Variants in PIK3R6 observed in about 807,000 individuals in gnomAD.
PIK3R6 encodes the protein phosphoinositide 3-kinase regulatory subunit 6.
PIK3R6 carries 91 observed loss-of-function variants against 84.9 expected under a neutral mutation model. That is an observed-to-expected ratio of 1.07 (90% CI 0.90 to 1.28). PIK3R6 has a LOEUF of 1.28. PIK3R6 is among the 50% of genes most tolerant of loss of function. The probability of loss-of-function intolerance (pLI) is 0.00; values close to 1 mark genes in which losing one functional copy is unlikely to be tolerated. For synonymous variants in PIK3R6, 416 were observed against 411.4 expected (o/e 1.01, Z -0.13); for missense variants, 996 against 985.1 (o/e 1.01, Z -0.15).
rs1567583525 is a variant in PIK3R6 at position 8,827,745 on chromosome 17, GAGAGAGAGAGAGAGAGAGGAGAGA to G, written c.1392+343_1392+366del. On this transcript the variant is annotated intron_variant, in intron 12 of 19. Coordinates refer to ENST00000619866, the MANE Select transcript of PIK3R6 (RefSeq NM_001010855.4). Reference sequence around the variant, plus strand: ...GTATGAGAGAGGGGAGGGAAGGGGAGAGAGAGAGAGAGAGAGAGGAGAGAGAGAGAGAGAGAGAGAGAGAGAGAG... The same window carrying G: ...GTATGAGAGAGGGGAGGGAAGGGGAGGAGAGAGAGAGAGAGAGAGAGAGAG... Among the ~76,000 whole-genome samples, 574 of 89,554 alleles carry G rather than the reference GAGAGAGAGAGAGAGAGAGGAGAGA, an allele frequency of 6.4e-3. 25 individuals are homozygous for G. The highest frequency in any genetic ancestry group is 0.023 in the African/African-American group (499 of 21,882). 58.8% of individuals were successfully genotyped at this position (89,554 alleles called of 152,430 possible).
In PIK3R6 at chr17:8,828,201, G is replaced by A; in HGVS notation, c.1314-11C>T. 6.2e-7 allele frequency: 1 copy of A among 1,613,394 alleles called. No individual in the cohort carries two copies. Among genetic ancestry groups the A allele is most frequent in the South Asian group, 1.1e-5 (1 of 91,082 alleles). Reference sequence around the variant, plus strand: ...TGGGTCTCCCGTTTCCTAGCAATGGGCAGCAAAGCAGAGGAGGTTAGGGGC... The same window carrying A: ...TGGGTCTCCCGTTTCCTAGCAATGGACAGCAAAGCAGAGGAGGTTAGGGGC... On this transcript the variant is annotated splice_polypyrimidine_tract_variant and intron_variant, in intron 11 of 19. Coordinates refer to ENST00000619866, the MANE Select transcript of PIK3R6 (RefSeq NM_001010855.4).
At chr17:8,833,832 G>A (rs915236304) in intron 8 of PIK3R6, among the ~76,000 whole-genome samples, 2 of 151,826 alleles carry the variant, frequency 1.3e-5, no homozygotes, top group African/African-American at 4.8e-5. Context: ...GAACCACCGC[G>A]CTTGGCCGAA....
chr17:8,830,778 C>CTTA (rs1180156743), intron 9 of PIK3R6, among the ~76,000 whole-genome samples: 3 of 152,192 alleles, frequency 2.0e-5, no homozygotes, highest in Non-Finnish European at 4.4e-5. Context: ...CAACACTGTG[C>CTTA]TTATAATCAC....
Position 8,835,386 on chromosome 17 carries a change from CCT to C in PIK3R6, c.530_531del (p.Glu177GlyfsTer92). On this transcript the variant is annotated frameshift_variant, in exon 8 of 20. Transcript: ENST00000619866. LOFTEE classifies it high-confidence loss of function. ...TCTGGTGTCTGCTGCGCCTGGGCCG[CCT>C]CGATCTCCAGTAGCAGAGCACTGCA... ...SVCSALLLEI[E>X]AAQAQQTPET... is the part of the protein sequence containing the mutation. 1 of 1,612,250 alleles carries C rather than the reference CCT, an allele frequency of 6.2e-7. No homozygotes were observed. Among genetic ancestry groups the C allele is most frequent in the Non-Finnish European group, 8.5e-7 (1 of 1,178,580 alleles).
At chr17:8,810,251 C>T (rs980696841) in intron 18 of PIK3R6, among the ~76,000 whole-genome samples, 2 of 147,680 alleles carry the variant, frequency 1.4e-5, no homozygotes, top group African/African-American at 2.5e-5. Context: ...CATCAGATGT[C>T]ATGAGACTTA....
chr17:8,805,896 C>A (rs2087191074), intron 18 of PIK3R6, among the ~76,000 whole-genome samples: 2 of 149,662 alleles, frequency 1.3e-5, no homozygotes, highest in South Asian at 2.1e-4. Context: ...CCAGCCCGGG[C>A]AACAGAATGA....
chr17:8,865,532 C>T (rs1035629283), intron 1 of PIK3R6, among the ~76,000 whole-genome samples: 6 of 152,146 alleles, frequency 3.9e-5, no homozygotes, highest in African/African-American at 1.4e-4. Flanking sequence ...TGTTGCCTCC[C>T]CTCTTCTCCC....
chr17:8,835,390 G>T lies in PIK3R6; in HGVS notation c.528C>A (p.Ile176=), dbSNP rs372846614. 6.2e-7 allele frequency: 1 copy of T among 1,612,160 alleles called. No individual in the cohort carries two copies. Among genetic ancestry groups the T allele is most frequent in the Non-Finnish European group, 8.5e-7 (1 of 1,178,560 alleles). ...ASVCSALLLE[I]EAAQAQQTPE... is the part of the protein sequence containing the mutation. ...GTGTCTGCTGCGCCTGGGCCGCCTC[G>T]ATCTCCAGTAGCAGAGCACTGCACA... The change falls in exon 8 of 20, where the codon ATC becomes ATA. Residue 176 remains isoleucine, a synonymous_variant. Transcript: ENST00000619866.
In PIK3R6 at chr17:8,838,594, C is replaced by T. The variant is rs1386966731; in HGVS notation, c.159G>A (p.Leu53=). 1.2e-6 allele frequency: 2 copies of T among 1,606,334 alleles called. No homozygotes were observed. The highest frequency in any genetic ancestry group is 1.1e-5 in the South Asian group (1 of 89,202). ...CCAGTTCTCTGAGAAGAATGCGGACCAGCACTGGGCTCTTACCGGGATCTC... is the reference window on the plus strand; with the variant it reads ...CCAGTTCTCTGAGAAGAATGCGGACTAGCACTGGGCTCTTACCGGGATCTC... The part of the protein sequence containing the change: ...VERDPGKSPV[L]VRILLRELEK... Residue 53 remains leucine (L), a synonymous_variant, in exon 4 of 20, where the codon CTG becomes CTA. Coordinates refer to ENST00000619866, the MANE Select transcript of PIK3R6 (RefSeq NM_001010855.4).
intron 1 of PIK3R6, among the ~76,000 whole-genome samples, chr17:8,859,083 G>T (rs2089210993): frequency 6.6e-6 from 1 of 152,224 alleles, no homozygotes; most frequent in Non-Finnish European, 1.5e-5. Context: ...CAAAGCCTGA[G>T]AACTGATCAA....
At position 8,857,091 on chromosome 17, in the gene PIK3R6, C is replaced by G. The variant is rs2151310494; in HGVS notation, c.-91-7206G>C. 1.3e-5 allele frequency among the ~76,000 whole-genome samples: 2 copies of G among 151,592 alleles called. 1 individual carries two copies. Among genetic ancestry groups the G allele is most frequent in the Admixed American group, 1.3e-4 (2 of 15,204 alleles). On this transcript the variant is annotated intron_variant, in intron 1 of 19. Transcript: ENST00000619866. ...TCCTGAACATCCTGTCCAAAATAGC[C>G]CTCCCTGTCACACTCTAGCACACTC...
At chr17:8,861,425 T>G (rs1228993978) in intron 1 of PIK3R6, among the ~76,000 whole-genome samples, 1 of 152,190 alleles carries the variant, frequency 6.6e-6, no homozygotes, top group African/African-American at 2.4e-5. Context: ...TTTCACTTTC[T>G]GCAATTTCAG....
chr17:8,827,989 A>C, intron 12 of PIK3R6, 123 bp downstream of exon 12: 1 of 1,023,248 alleles, frequency 9.8e-7, no homozygotes, highest in Non-Finnish European at 1.4e-6. Flanking sequence ...TCCCGCCTCC[A>C]CATTCTAAGG....
At chr17:8,841,689 A>T (rs956486990) in intron 2 of PIK3R6, among the ~76,000 whole-genome samples, 2 of 151,278 alleles carry the variant, frequency 1.3e-5, no homozygotes, top group African/African-American at 4.9e-5. Context: ...TAACAGTGGT[A>T]CGTTGACATG....
chr17:8,852,145 C>T (rs2088985680), intron 1 of PIK3R6, among the ~76,000 whole-genome samples: 1 of 152,210 alleles, frequency 6.6e-6, no homozygotes, highest in South Asian at 2.1e-4. Context: ...AGGGAAGTTA[C>T]TGTTTAATGG....
intron 18 of PIK3R6, among the ~76,000 whole-genome samples, chr17:8,806,451 G>A (rs2087210402): frequency 6.6e-6 from 1 of 152,194 alleles, no homozygotes; most frequent in African/African-American, 2.4e-5. Context: ...CCTGCCTGCG[G>A]TGTGGGCAGA....
At chr17:8,819,813 TATAC>T (rs1307270272) in intron 17 of PIK3R6, among the ~76,000 whole-genome samples, 4 of 146,714 alleles carry the variant, frequency 2.7e-5, no homozygotes, top group African/African-American at 1.0e-4. Flanking sequence ...CACACACGTA[TATAC>T]ATATATACGT....
chr17:8,840,897 C>A (rs1186554285), intron 2 of PIK3R6, among the ~76,000 whole-genome samples: 11 of 151,340 alleles, frequency 7.3e-5, no homozygotes, highest in Non-Finnish European at 1.5e-4. Context: ...GGACTACAGG[C>A]GCCTGCCACC....
chr17:8,838,765 C>A, intron 3 of PIK3R6, 110 bp from the exon 4 acceptor site: 1 of 1,054,840 alleles, frequency 9.5e-7, no homozygotes, highest in East Asian at 2.7e-5. Context: ...TCTGACCAGC[C>A]ACGGGTGTGA....
Sources: allele counts gnomAD v4.1 joint callset (sites outside exome capture counted in the v4.1 genomes callset), GRCh38; gene constraint gnomAD v4.1.1; transcripts MANE v1.5; gene names NCBI Gene and HGNC (gene_info 2026-07-23, HGNC 2026-07-21).